The following IGF1R variants were observed in gnomAD, a reference collection of about 807,000 sequenced individuals.
IGF1R encodes insulin like growth factor 1 receptor.
IGF1R carries 44 observed loss-of-function variants against 144.6 expected under a neutral mutation model. The ratio of observed to expected loss-of-function variants is 0.30; its 90% confidence interval spans 0.24 to 0.39. The LOEUF is 0.39. IGF1R is among the 10% of genes least tolerant of loss of function. The pLI is 1.00. For synonymous variants in IGF1R, 795 were observed against 722.8 expected (o/e 1.10, Z -1.60); for missense variants, 1,355 against 1,833.7 (o/e 0.74, Z 4.77).
chr15:98,778,075 A>C (rs2055763935), intron 2 of IGF1R, among the ~76,000 whole-genome samples: 1 of 152,228 alleles, frequency 6.6e-6, no homozygotes, highest in South Asian at 2.1e-4. Context: ...GTTCTAGACT[A>C]ATCTTTTAGG....
At chr15:98,866,805 T>C (rs1255675245) in intron 2 of IGF1R, among the ~76,000 whole-genome samples, 1 of 152,220 alleles carries the variant, frequency 6.6e-6, no homozygotes, top group Non-Finnish European at 1.5e-5. Flanking sequence ...TCATGTTGTT[T>C]TTAATGTGTG....
intron 18 of IGF1R, among the ~76,000 whole-genome samples, chr15:98,941,279 G>A (rs2016355325): frequency 6.6e-6 from 1 of 152,242 alleles, no homozygotes; most frequent in African/African-American, 2.4e-5. Context: ...CCAGATGGCA[G>A]TTCCTGTCTG....
intron 1 of IGF1R, among the ~76,000 whole-genome samples, chr15:98,689,791 C>G (rs558893324): frequency 6.6e-6 from 1 of 152,076 alleles, no homozygotes. Flanking sequence ...AGATCCTGTC[C>G]GATGGAGAGA....
At chr15:98,652,521 T>A (rs1216622015) in intron 1 of IGF1R, among the ~76,000 whole-genome samples, 1 of 152,214 alleles carries the variant, frequency 6.6e-6, no homozygotes, top group Non-Finnish European at 1.5e-5. Flanking sequence ...GGGTGGGGTT[T>A]GTGTCAGGAT....
intron 2 of IGF1R, among the ~76,000 whole-genome samples, chr15:98,745,413 T>C (rs2054839637): frequency 1.3e-5 from 2 of 152,210 alleles, no homozygotes; most frequent in South Asian, 4.1e-4. Flanking sequence ...AGCTGGGTGG[T>C]GCAGAGACAG....
rs1003909206 is a variant in IGF1R at position 98,911,519 on chromosome 15, G to T, written c.1589+78G>T. ...GAGGCCAGTCTTTCGATCCTTGAAT[G>T]GGCTGGCTGAATACAGGGGGTCAGC... On this transcript the variant is annotated intron_variant, in intron 7 of 20. Transcript: ENST00000650285. The T allele has an allele frequency of 1.7e-5, 27 of 1,592,282 alleles. No individual in the cohort carries two copies. The Middle Eastern group carries it at 7.7e-4, about 45-fold the overall frequency.
At chr15:98,951,822 T>C (rs1402745178) in intron 20 of IGF1R, among the ~76,000 whole-genome samples, 1 of 152,248 alleles carries the variant, frequency 6.6e-6, no homozygotes, top group Non-Finnish European at 1.5e-5. Context: ...AAAATGTTTT[T>C]GGCTCTGTGG....
At chr15:98,947,851 G>C (rs111731030) in intron 19 of IGF1R, among the ~76,000 whole-genome samples, 1 of 152,186 alleles carries the variant, frequency 6.6e-6, no homozygotes, top group Non-Finnish European at 1.5e-5. Context: ...CAGGCCAGCA[G>C]CTCCCCAGCT....
intron 2 of IGF1R, among the ~76,000 whole-genome samples, chr15:98,797,625 C>T (rs760387125): frequency 6.6e-6 from 1 of 152,178 alleles, no homozygotes; most frequent in Admixed American, 6.5e-5. Flanking sequence ...TGGGGTAAGA[C>T]AGAGCCCTCC....
In IGF1R at chr15:98,648,669, G is replaced by T. The variant is rs1478828511; in HGVS notation, c.-913G>T. Among the ~76,000 whole-genome samples the T allele has an allele frequency of 6.8e-6, 1 of 147,022 alleles. No homozygotes were observed. Among genetic ancestry groups the T allele is most frequent in the Non-Finnish European group, 1.5e-5 (1 of 66,002 alleles). ...AGCGCACCAGGCGAACTCGAGAGAGGCGGGAGAGCGAGAGGGACGCCGCCA... is the reference window on the plus strand; with the variant it reads ...AGCGCACCAGGCGAACTCGAGAGAGTCGGGAGAGCGAGAGGGACGCCGCCA... On this transcript the variant is annotated 5_prime_UTR_variant, in exon 1 of 21. Transcript: ENST00000650285.
At chr15:98,945,532 A>C (rs1022121981) in intron 19 of IGF1R, among the ~76,000 whole-genome samples, 13 of 152,236 alleles carry the variant, frequency 8.5e-5, no homozygotes, top group African/African-American at 3.1e-4. Context: ...ATGAAATGGA[A>C]GACTTGATTT....
At chr15:98,732,591 G>T (rs543011100) in intron 2 of IGF1R, among the ~76,000 whole-genome samples, 3 of 152,304 alleles carry the variant, frequency 2.0e-5, no homozygotes, top group Non-Finnish European at 4.4e-5. Context: ...AGGCCTTTTG[G>T]AGATAGATAC....
At chr15:98,658,411 A>G (rs1029158328) in intron 1 of IGF1R, among the ~76,000 whole-genome samples, 41 of 152,210 alleles carry the variant, frequency 2.7e-4, no homozygotes, top group African/African-American at 9.2e-4. Flanking sequence ...ACTTAAAAAT[A>G]TTTGGGGGAG....
intron 2 of IGF1R, among the ~76,000 whole-genome samples, chr15:98,767,540 AAG>A (rs1351169211): frequency 2.6e-5 from 4 of 152,236 alleles, no homozygotes; most frequent in Non-Finnish European, 5.9e-5. Context: ...AAAATGATGA[AAG>A]AGCTTTATCA....
chr15:98,945,155 C>A (rs2016505251), intron 19 of IGF1R, among the ~76,000 whole-genome samples: 1 of 152,272 alleles, frequency 6.6e-6, no homozygotes, highest in African/African-American at 2.4e-5. Context: ...AGCTGCACCC[C>A]ACAGCCTAGA....
At chr15:98,955,813 G>A (rs187363271) in intron 20 of IGF1R, among the ~76,000 whole-genome samples, 1 of 152,388 alleles carries the variant, frequency 6.6e-6, no homozygotes, top group East Asian at 1.9e-4. Flanking sequence ...ACCCTGACAG[G>A]AGGCTAGATG....
rs542837947 is a variant in IGF1R, at chr15:98,762,556, C to T, written c.640+54449C>T. On this transcript the variant is annotated intron_variant, in intron 2 of 20. Coordinates refer to ENST00000650285, the MANE Select transcript of IGF1R (RefSeq NM_000875.5). ...CAGCCTGGCCAACATGGTGAAACCC[C>T]GTCTCTACTGAAAATACAAAAGTTA... Among the ~76,000 whole-genome samples, 6 of 152,206 alleles carry T rather than the reference C, an allele frequency of 3.9e-5. 1 individual carries two copies. The highest frequency in any genetic ancestry group is 9.6e-5 in the African/African-American group (4 of 41,540).
At chr15:98,834,788 C>T (rs1300659053) in intron 2 of IGF1R, among the ~76,000 whole-genome samples, 7 of 152,126 alleles carry the variant, frequency 4.6e-5, no homozygotes, top group African/African-American at 1.4e-4. Flanking sequence ...TGGGAGATGG[C>T]ATTTAGGGCA....
At chr15:98,896,609 AC>A in intron 3 of IGF1R, 147 bp from the exon 4 acceptor site, 2 of 780,940 alleles carry the variant, frequency 2.6e-6, no homozygotes, top group Non-Finnish European at 4.2e-6. Context: ...GGGGTGAGAT[AC>A]CATGTGACCA....
Sources: gnomAD v4.1 joint callset for allele counts (sites outside exome capture counted in the v4.1 genomes callset) on GRCh38, gnomAD v4.1.1 for gene constraint, MANE v1.5 for transcripts, NCBI Gene and HGNC (gene_info 2026-07-23, HGNC 2026-07-21) for gene names.